The following ZNF219 variants were observed in gnomAD, a reference collection of about 807,000 sequenced individuals.
ZNF219 encodes zinc finger protein 219.
ZNF219 carries 17 observed loss-of-function variants against 54.4 expected under a neutral mutation model. That is an observed-to-expected ratio of 0.31 (90% CI 0.21 to 0.47). The LOEUF is 0.47. ZNF219 is among the 20% of genes least tolerant of loss of function. ZNF219 has a pLI of 1.00. For missense variants in ZNF219, 1,014 were observed against 1,062.3 expected (o/e 0.95, Z 0.63); for synonymous variants, 518 against 476.4 (o/e 1.09, Z -1.14).
upstream of ZNF219, chr14:21,101,898 C>T: frequency 6.4e-7 from 1 of 1,551,500 alleles, no homozygotes; most frequent in Non-Finnish European, 8.7e-7. Context: ...GGTTGTGGTG[C>T]CCCTTGCTGT....
chr14:21,091,111 C>T lies in ZNF219; in HGVS notation c.1594G>A (p.Asp532Asn), dbSNP rs1415261827. ...GAGCCGGACTGGGTGCCCGCGTAGT[C>T]GCAGTGCGGACACTTGTAGGGCCGC... is the stretch of plus-strand genomic sequence containing the variant. The part of the protein sequence containing the change: ...GERPYKCPHC[D>N]YAGTQSGSLK... The change falls in exon 5 of 5, where the codon GAC becomes AAC. Residue 532 changes from aspartate (D) to asparagine (N), a missense_variant. Physicochemically the swap from Asp to Asn is conservative, Grantham distance 23. Coordinates refer to ENST00000360947, the MANE Select transcript of ZNF219 (RefSeq NM_016423.3). 15 of 1,588,146 alleles carry T rather than the reference C, an allele frequency of 9.4e-6. No individual in the cohort carries two copies. The highest frequency in any genetic ancestry group is 6.8e-5 in the East Asian group (3 of 43,872).
upstream of ZNF219, chr14:21,103,011 G>A: frequency 6.8e-7 from 1 of 1,469,256 alleles, no homozygotes; most frequent in Admixed American, 2.0e-5. Flanking sequence ...GCATTAGGAA[G>A]CTGCCTAAAT....
rs766654847 is a variant in ZNF219, at chr14:21,093,252, C to T, written c.45G>A (p.Pro15=). 1.9e-6 allele frequency: 3 copies of T among 1,597,784 alleles called. No homozygotes were observed. Among genetic ancestry groups the T allele is most frequent in the Non-Finnish European group, 2.5e-6 (3 of 1,178,218 alleles). ...RPRAPSGHLA[P]SPPAFDGELD... Reference sequence around the variant, plus strand: ...GCTCGCCGTCGAAAGCCGGCGGCGACGGCGCTAAGTGGCCGCTCGGGGCGC... The same window carrying T: ...GCTCGCCGTCGAAAGCCGGCGGCGATGGCGCTAAGTGGCCGCTCGGGGCGC... The change falls in exon 3 of 5, where the codon CCG becomes CCA. Residue 15 remains proline (P), a synonymous_variant. Coordinates refer to ENST00000360947, the MANE Select transcript of ZNF219 (RefSeq NM_016423.3).
chr14:21,093,392 G>A, intron 2 of ZNF219, 102 bp from the exon 3 acceptor site: 2 of 1,488,440 alleles, frequency 1.3e-6, no homozygotes, highest in Non-Finnish European at 1.8e-6. Context: ...GGGAAGGTGG[G>A]CTGGGGCCTG....
intron 1 of ZNF219, among the ~76,000 whole-genome samples, chr14:21,097,812 C>G (rs567549041): frequency 2.5e-4 from 38 of 152,182 alleles, no homozygotes; most frequent in Non-Finnish European, 4.6e-4. Flanking sequence ...GAAGCACCCC[C>G]CATCCTTTCC....
chr14:21,090,613 T>C lies in ZNF219; in HGVS notation c.2092A>G (p.Ser698Gly). The change falls in exon 5 of 5, where the codon AGT (serine) becomes GGT (glycine). Residue 698 changes from serine to glycine, a missense_variant. Physicochemically the swap from Ser to Gly is moderately conservative, Grantham distance 56. Around this residue, in one of 5 missense-constraint regions of ZNF219, gnomAD observed 281 missense variants for 271.2 expected, o/e 1.04. Transcript: ENST00000360947. The surrounding 1 kb of genome is among the most constrained non-coding windows in gnomAD (Gnocchi z 4.4). ...ARVPSGETPP[S>G]PSQEGEEGSG... ...CCCTCCTCCCCTTCCTGCGAAGGAC[T>C]GGGAGGGGTCTCTCCTGATGGTACT... 1 of 1,611,812 alleles carries C rather than the reference T, an allele frequency of 6.2e-7. No individual in the cohort carries two copies. Among genetic ancestry groups the C allele is most frequent in the Non-Finnish European group, 8.5e-7 (1 of 1,179,246 alleles).
rs887593110 is a variant in ZNF219, at chr14:21,092,246, G to A, written c.1051C>T (p.Leu351=). Reference sequence around the variant, plus strand: ...GGGCCCAACGGCTCATAGGCCAGCAGGCCGAGGTCAGGAGGCTGGGGGGCG... The same window carrying A: ...GGGCCCAACGGCTCATAGGCCAGCAAGCCGAGGTCAGGAGGCTGGGGGGCG... The part of the protein sequence containing the change: ...ARAPQPPDLG[L]LAYEPLGPAL... The change falls in exon 3 of 5, where the codon CTG becomes TTG. Residue 351 remains leucine (L), a synonymous_variant. Transcript: ENST00000360947. The A allele has an allele frequency of 8.2e-6, 12 of 1,460,888 alleles. No individual in the cohort carries two copies. The South Asian group carries it at 1.7e-4, about 20-fold the overall frequency. The allele number at this position is 1,460,888 out of a possible 1,614,324, so 90.5% of individuals were successfully genotyped here. A position where few individuals can be genotyped will look rare whatever the true frequency, so the allele number is the denominator to read the frequency against.
At chr14:21,101,378 GAC>G (rs779558296), upstream of ZNF219, 5 of 1,551,688 alleles carry the variant, frequency 3.2e-6, no homozygotes, top group South Asian at 5.9e-5. Flanking sequence ...GAGCAGGAGA[GAC>G]ACAGCCTTCG....
At position 21,092,100 on chromosome 14, in the gene ZNF219, A is replaced by G; in HGVS notation, c.1197T>C (p.Gly399=). The part of the protein sequence containing the change: ...GRPNGEGAEP[G]PGRSFGGFRP... ...GGAAGCCTCCGAAGCTGCGGCCGGG[A>G]CCGGGCTCAGCACCCTCGCCGTTGG... Residue 399 remains glycine, a synonymous_variant, in exon 3 of 5, where the codon GGT becomes GGC. Coordinates refer to ENST00000360947, the MANE Select transcript of ZNF219 (RefSeq NM_016423.3). 2 of 1,533,538 alleles carry G rather than the reference A, an allele frequency of 1.3e-6. No homozygotes were observed. The highest frequency in any genetic ancestry group is 1.8e-6 in the Non-Finnish European group (2 of 1,140,956). 95.0% of individuals were successfully genotyped at this position (1,533,538 alleles called of 1,614,324 possible).
chr14:21,098,423 C>CCCCGGCCCCCCCGCCCCCGG lies in ZNF219; in HGVS notation c.-215_-196dup. The CCCCGGCCCCCCCGCCCCCGG allele has an allele frequency of 1.7e-6, 1 of 573,568 alleles. No individual in the cohort carries two copies. Among genetic ancestry groups the CCCCGGCCCCCCCGCCCCCGG allele is most frequent in the South Asian group, 7.4e-5 (1 of 13,432 alleles). 35.5% of individuals were successfully genotyped at this position (573,568 alleles called of 1,614,324 possible). A position where few individuals can be genotyped will look rare whatever the true frequency, so the allele number is the denominator to read the frequency against. On this transcript the variant is annotated 5_prime_UTR_variant, in exon 1 of 5. It removes the in-frame stop codon of an upstream open reading frame in the 5' UTR. Coordinates refer to ENST00000360947, the MANE Select transcript of ZNF219 (RefSeq NM_016423.3). ...GTGGGGCCGGGGGAGATGCGCCGGG[C>CCCCGGCCCCCCCGCCCCCGG]CCCGGCCCCCCCGCCCCCGGCCCGG...
chr14:21,103,397 A>G (rs150024369), upstream of ZNF219: 1 of 1,341,324 alleles, frequency 7.5e-7, no homozygotes, highest in Admixed American at 2.8e-5. Context: ...CTTCCCTGTT[A>G]GGGGAAGATA....
At chr14:21,102,326 C>G (rs535456111), upstream of ZNF219, 2 of 1,505,328 alleles carry the variant, frequency 1.3e-6, no homozygotes, top group Non-Finnish European at 1.8e-6. Flanking sequence ...TGAGTTTTGT[C>G]TTCAGCTAGG....
Position 21,093,043 on chromosome 14 carries a change from A to C in ZNF219, c.254T>G (p.Phe85Cys). ...HLRAHPGAQAFQCPHCGHRAA... is the reference protein window; with the variant it reads ...HLRAHPGAQACQCPHCGHRAA... ...GCGGTGGCCGCAGTGAGGGCACTGG[A>C]AGGCCTGGGCTCCTGGGTGCGCCCG... The change falls in exon 3 of 5, where the codon TTC (phenylalanine) becomes TGC (cysteine). Residue 85 changes from phenylalanine to cysteine, a missense_variant. By Grantham distance (205) the Phe-to-Cys change is radical. Coordinates refer to ENST00000360947, the MANE Select transcript of ZNF219 (RefSeq NM_016423.3). 4 of 1,600,274 alleles carry C rather than the reference A, an allele frequency of 2.5e-6. No homozygotes were observed. Among genetic ancestry groups the C allele is most frequent in the Non-Finnish European group, 3.4e-6 (4 of 1,175,514 alleles).
intron 1 of ZNF219, chr14:21,104,384 A>C (rs73571904): frequency 2.0e-5 from 3 of 152,210 alleles, no homozygotes; most frequent in African/African-American, 7.2e-5. Context: ...GTGCAAAGAT[A>C]ACAGGCTCGC....
At chr14:21,098,795 C>T (rs1566555189), upstream of ZNF219, 1 of 1,286,504 alleles carries the variant, frequency 7.8e-7, no homozygotes, top group Non-Finnish European at 1.0e-6. Flanking sequence ...CCCTCCCTCC[C>T]TAAACCCGGA....
Position 21,092,961 on chromosome 14 carries a change from T to C in ZNF219, c.336A>G (p.Pro112=), listed in dbSNP as rs1324442519. ...GCAACAGGCGTGCAGCAGGACTACG[T>C]GGGCGCTCGGGCTGGTGTGTGCGCA... ...SHLRTHQPER[P]RSPAARLLLE... The change falls in exon 3 of 5, where the codon CCA becomes CCG. Residue 112 remains proline, a synonymous_variant. Transcript: ENST00000360947. 4.4e-6 allele frequency: 7 copies of C among 1,587,652 alleles called. No homozygotes were observed. The highest frequency in any genetic ancestry group is 1.7e-4 in the Middle Eastern group (1 of 5,998).
At chr14:21,102,711 T>C, upstream of ZNF219, 1 of 1,551,556 alleles carries the variant, frequency 6.4e-7, no homozygotes, top group South Asian at 1.2e-5. Flanking sequence ...GCACGCCCTA[T>C]TCTTGCTGAG....
Position 21,093,040 on chromosome 14 carries a change from T to C in ZNF219, c.257A>G (p.Gln86Arg), listed in dbSNP as rs747739966. ...LRAHPGAQAF[Q>R]CPHCGHRAAQ... ...CGCGCGGTGGCCGCAGTGAGGGCAC[T>C]GGAAGGCCTGGGCTCCTGGGTGCGC... Residue 86 changes from glutamine (Q) to arginine (R), a missense_variant, in exon 3 of 5, where the codon CAG (glutamine) becomes CGG (arginine). Physicochemically the swap from Gln to Arg is conservative, Grantham distance 43 (BLOSUM62 1). Transcript: ENST00000360947. 7 of 1,599,912 alleles carry C rather than the reference T, an allele frequency of 4.4e-6. No individual in the cohort carries two copies. The highest frequency in any genetic ancestry group is 5.1e-6 in the Non-Finnish European group (6 of 1,175,540).
At chr14:21,096,608 A>AC (rs1391342490) in intron 1 of ZNF219, among the ~76,000 whole-genome samples, 2 of 152,128 alleles carry the variant, frequency 1.3e-5, no homozygotes, top group African/African-American at 4.8e-5. Context: ...CCTACTTTCC[A>AC]CCCCCACTGG....
Sources: gnomAD v4.1 joint callset for allele counts (sites outside exome capture counted in the v4.1 genomes callset) on GRCh38, gnomAD v4.1.1 for gene constraint, gnomAD v4.1.1 regional missense constraint, Gnocchi (gnomAD v3.1) non-coding constraint, MANE v1.5 for transcripts, NCBI Gene and HGNC (gene_info 2026-07-23, HGNC 2026-07-21) for gene names.